Variants in CUBN observed in about 807,000 individuals in gnomAD.
The protein encoded by CUBN is 460 kDa receptor.
A neutral mutation model predicts 405.3 loss-of-function variants in CUBN; 282 were observed. The ratio of observed to expected loss-of-function variants is 0.70; its 90% CI spans 0.63 to 0.77. The LOEUF is 0.77. Among genes scored for constraint, CUBN ranks in the 30% least tolerant of loss-of-function variants. The pLI, the probability that CUBN is intolerant of heterozygous loss-of-function variation, is 0.00. For missense variants in CUBN, 4,514 were observed against 4,475.2 expected, an observed-to-expected ratio of 1.01 and a Z score of -0.25; for synonymous variants, 1,684 against 1,617.0, an observed-to-expected ratio of 1.04 and a Z score of -0.99.
At chr10:16,909,249 A>C (rs1003996490) in intron 48 of CUBN, among the ~76,000 whole-genome samples, 6 of 152,192 alleles carry the variant, frequency 3.9e-5, no homozygotes, top group African/African-American at 1.4e-4. Flanking sequence ...CTTCTGGTGT[A>C]AAGTGTCTTC....
At chr10:16,857,719 T>C (rs561136321) in intron 59 of CUBN, among the ~76,000 whole-genome samples, 1 of 152,320 alleles carries the variant, frequency 6.6e-6, no homozygotes, top group Non-Finnish European at 1.5e-5. Context: ...GCTAACAGCA[T>C]AATTAATGGT....
In CUBN at chr10:16,937,682, A is replaced by T. The variant is rs753556352; in HGVS notation, c.5836T>A (p.Tyr1946Asn). ...STGNSLTFHF[Y>N]SDSSISGKGF... ...TTCCCTGAGATTGAAGAGTCGGAGT[A>T]AAAATGAAATGTCAAAGAATTTCCA... Residue 1946 changes from tyrosine to asparagine, a missense_variant, in exon 39 of 67, where the codon TAC (tyrosine) becomes AAC (asparagine). This residue lies in a region of CUBN where 1,613 missense variants were observed against 1,542.8 expected (regional missense o/e 1.05). Coordinates refer to ENST00000377833, the MANE Select transcript of CUBN (RefSeq NM_001081.4). The T allele has an allele frequency of 6.2e-7, 1 of 1,614,114 alleles. No homozygotes were observed. Among genetic ancestry groups the T allele is most frequent in the Non-Finnish European group, 8.5e-7 (1 of 1,179,990 alleles).
At chr10:17,102,252 CCTATTTATTTATTTATTTAT>C (rs1057171758) in intron 13 of CUBN, among the ~76,000 whole-genome samples, 15 of 145,016 alleles carry the variant, frequency 1.0e-4, no homozygotes, top group East Asian at 4.1e-4. Context: ...GGAGGATCCT[CCTATTTATTTATTTATTTAT>C]TTATTTATTT....
intron 65 of CUBN, 60 bp downstream of exon 65, chr10:16,831,192 C>T (rs1838979508): frequency 2.0e-6 from 3 of 1,471,384 alleles, no homozygotes; most frequent in African/African-American, 1.4e-5. Context: ...TTGCCTTTTA[C>T]TATTAGACAC....
At chr10:16,864,276 T>G (rs1048279574) in intron 59 of CUBN, among the ~76,000 whole-genome samples, 2 of 152,222 alleles carry the variant, frequency 1.3e-5, no homozygotes, top group Non-Finnish European at 2.9e-5. Context: ...TAGGTGTCAC[T>G]GCAAAGTGGG....
Position 16,840,281 on chromosome 10 carries a change from T to C in CUBN, c.10032+49A>G, listed in dbSNP as rs368196519. 15 of 1,480,492 alleles carry C rather than the reference T, an allele frequency of 1.0e-5. No individual in the cohort carries two copies. In the African/African-American group the frequency reaches 1.9e-4, roughly 19 times the overall value. 91.7% of individuals were successfully genotyped at this position (1,480,492 alleles called of 1,614,324 possible). Reference sequence around the variant, plus strand: ...ATTACTTCAAGTGTTTTGCAAATACTGGTGAAAAGGTCACTAGATGTGACT... The same window carrying C: ...ATTACTTCAAGTGTTTTGCAAATACCGGTGAAAAGGTCACTAGATGTGACT... On this transcript the variant is annotated intron_variant, in intron 62 of 66. Coordinates refer to ENST00000377833, the MANE Select transcript of CUBN (RefSeq NM_001081.4).
chr10:17,004,046 T>A (rs1467649576), intron 28 of CUBN, among the ~76,000 whole-genome samples: 3 of 152,224 alleles, frequency 2.0e-5, no homozygotes, highest in Non-Finnish European at 4.4e-5. Flanking sequence ...CTTCATTACA[T>A]CAGGCTTGTT....
At chr10:16,990,619 A>C in intron 28 of CUBN, 104 bp from the exon 29 acceptor site, 2 of 888,438 alleles carry the variant, frequency 2.3e-6, no homozygotes, top group Non-Finnish European at 3.5e-6. Context: ...TACAATGCTT[A>C]ATTTAGGAGA....
At chr10:16,840,113 A>G (rs1377604002) in intron 62 of CUBN, among the ~76,000 whole-genome samples, 2 of 151,102 alleles carry the variant, frequency 1.3e-5, no homozygotes, top group Non-Finnish European at 3.0e-5. Context: ...TAGGAGATAT[A>G]CCTAATGTTA....
rs747921997 is a variant in CUBN, at chr10:16,890,434, ATG to A, written c.8690_8691del (p.Thr2897IlefsTer21). On this transcript the variant is annotated frameshift_variant, in exon 55 of 67. Transcript: ENST00000377833. LOFTEE classifies it high-confidence loss of function. ...APGPVITPSN[T>X]FTAVFQSQEA... ...TCCTGAGACTGGAAGACGGCAGTGA[ATG>A]TGTTACTTGGTGTGATAACGGGACC... 4 of 1,613,988 alleles carry A rather than the reference ATG, an allele frequency of 2.5e-6. No individual in the cohort carries two copies. The highest frequency in any genetic ancestry group is 3.3e-5 in the Admixed American group (2 of 60,000).
chr10:16,945,261 G>A (rs766238189), intron 36 of CUBN, among the ~76,000 whole-genome samples: 2 of 152,060 alleles, frequency 1.3e-5, no homozygotes, highest in Non-Finnish European at 2.9e-5. Flanking sequence ...TGTGCGAAGG[G>A]CTTTGGATTT....
At position 16,899,046 on chromosome 10, in the gene CUBN, T is replaced by C; in HGVS notation, c.8548A>G (p.Asn2850Asp). The change falls in exon 54 of 67, where the codon AAC becomes GAC. Residue 2850 changes from asparagine (N) to aspartate (D), a missense_variant. By Grantham distance (23) the Asn-to-Asp change is conservative (BLOSUM62 1). Around this residue, in one of 5 missense-constraint regions of CUBN, gnomAD observed 1,186 missense variants for 1,186.9 expected, o/e 1.00. Transcript: ENST00000377833. ...SKHLEISFDNNFLIPSGDGQC... is the reference protein window; with the variant it reads ...SKHLEISFDNDFLIPSGDGQC... ...CCATCACCGCTGGGGATTAGGAAGTTGTTGTCAAAGCTGATCTCCAAGTGT... is the reference window on the plus strand; with the variant it reads ...CCATCACCGCTGGGGATTAGGAAGTCGTTGTCAAAGCTGATCTCCAAGTGT... 6.2e-7 allele frequency: 1 copy of C among 1,613,816 alleles called. No homozygotes were observed. The highest frequency in any genetic ancestry group is 1.1e-5 in the South Asian group (1 of 91,074).
chr10:17,076,984 AAG>A (rs1835867930), intron 17 of CUBN, among the ~76,000 whole-genome samples: 1 of 152,236 alleles, frequency 6.6e-6, no homozygotes, highest in Non-Finnish European at 1.5e-5. Flanking sequence ...AACCTAGAGA[AAG>A]ATGACCAATA....
intron 27 of CUBN, among the ~76,000 whole-genome samples, chr10:17,022,598 C>A (rs77722844): frequency 0.016 from 2,473 of 152,274 alleles, 58 homozygotes; most frequent in African/African-American, 0.057. Flanking sequence ...CCCTCTCCTG[C>A]AGGCGGAGAA....
At chr10:16,985,771 G>T (rs994488068) in intron 29 of CUBN, among the ~76,000 whole-genome samples, 1 of 152,246 alleles carries the variant, frequency 6.6e-6, no homozygotes, top group Non-Finnish European at 1.5e-5. Flanking sequence ...CTGCGACGGG[G>T]TGGTCAGGGA....
chr10:16,824,945 A>C lies in CUBN; in HGVS notation c.*30T>G. 1 of 1,502,316 alleles carries C rather than the reference A, an allele frequency of 6.7e-7. No homozygotes were observed. Among genetic ancestry groups the C allele is most frequent in the East Asian group, 2.3e-5 (1 of 44,316 alleles). The allele number at this position is 1,502,316 out of a possible 1,614,324, so 93.1% of individuals were successfully genotyped here. ...GCTGTCCAGCGTGCTGCAGAGGGAA[A>C]GTGCTGAGTGAACACGAGTTGTTAC... is the stretch of plus-strand genomic sequence containing the variant. On this transcript the variant is annotated 3_prime_UTR_variant, in exon 67 of 67. Transcript: ENST00000377833.
chr10:17,099,730 T>C (rs1045138913), intron 14 of CUBN, among the ~76,000 whole-genome samples: 10 of 152,028 alleles, frequency 6.6e-5, no homozygotes, highest in Non-Finnish European at 1.5e-4. Flanking sequence ...TGCACACCTG[T>C]AGTCCCAGCT....
intron 58 of CUBN, among the ~76,000 whole-genome samples, chr10:16,874,081 G>T (rs967544676): frequency 6.6e-6 from 1 of 152,128 alleles, no homozygotes; most frequent in Non-Finnish European, 1.5e-5. Flanking sequence ...TTCAAGATGG[G>T]CTTATTATAC....
chr10:16,968,713 A>G (rs945628663), intron 31 of CUBN, among the ~76,000 whole-genome samples: 5 of 152,242 alleles, frequency 3.3e-5, no homozygotes, highest in Non-Finnish European at 5.9e-5. Context: ...ACTTAGAAGA[A>G]AGGCTCTAAT....
Sources: gnomAD v4.1 joint callset for allele counts (sites outside exome capture counted in the v4.1 genomes callset) on GRCh38, gnomAD v4.1.1 for gene constraint, gnomAD v4.1.1 regional missense constraint, MANE v1.5 for transcripts, NCBI Gene and HGNC (gene_info 2026-07-23, HGNC 2026-07-21) for gene names.